Variants in TBC1D5 observed in about 807,000 individuals in gnomAD.
TBC1D5 encodes the protein TBC1 domain family member 5, also known as TBC1 domain family, member 5.
A neutral mutation model predicts 100.3 loss-of-function variants in TBC1D5; 75 were observed. The ratio of observed to expected loss-of-function variants is 0.75; its 90% CI spans 0.62 to 0.91. The LOEUF is 0.91. Among genes scored for constraint, TBC1D5 ranks in the 40% least tolerant of loss-of-function variants. The pLI, the probability that TBC1D5 is intolerant of heterozygous loss-of-function variation, is 0.00. For synonymous variants in TBC1D5, 323 were observed against 325.6 expected, an observed-to-expected ratio of 0.99 and a Z score of 0.09; for missense variants, 910 against 942.4, an observed-to-expected ratio of 0.97 and a Z score of 0.45.
intron 2 of TBC1D5, among the ~76,000 whole-genome samples, chr3:17,605,268 T>A (rs1310978421): frequency 6.6e-6 from 1 of 152,218 alleles, no homozygotes; most frequent in Non-Finnish European, 1.5e-5. Flanking sequence ...ATTAGTCACA[T>A]AGTATTAACT....
At chr3:17,453,426 A>C (rs2094975912) in intron 3 of TBC1D5, among the ~76,000 whole-genome samples, 1 of 152,128 alleles carries the variant, frequency 6.6e-6, no homozygotes, top group Non-Finnish European at 1.5e-5. Flanking sequence ...TAACAAAGAA[A>C]AATAATGGAG....
At chr3:17,363,964 A>AT (rs72273369) in intron 13 of TBC1D5, among the ~76,000 whole-genome samples, 24 of 148,828 alleles carry the variant, frequency 1.6e-4, no homozygotes, top group Admixed American at 2.7e-4. Context: ...TATTGGACTA[A>AT]TTTTTTTTTT....
chr3:17,611,163 T>C (rs2061645543), intron 2 of TBC1D5, among the ~76,000 whole-genome samples: 1 of 152,172 alleles, frequency 6.6e-6, no homozygotes, highest in African/African-American at 2.4e-5. Context: ...CAGTGGGTTA[T>C]ATGATGATAC....
At chr3:17,658,256 C>T (rs1283950151) in intron 1 of TBC1D5, among the ~76,000 whole-genome samples, 1 of 152,208 alleles carries the variant, frequency 6.6e-6, no homozygotes, top group Non-Finnish European at 1.5e-5. Context: ...CCATTAACTC[C>T]ATTCATTCAA....
Position 17,678,350 on chromosome 3 carries a change from C to A in TBC1D5, c.-100-54437G>T, listed in dbSNP as rs1298808555. 2.0e-5 allele frequency among the ~76,000 whole-genome samples: 3 copies of A among 152,022 alleles called. No individual in the cohort carries two copies. The South Asian group carries it at 6.2e-4, about 32-fold the overall frequency. ...TGAGTACACAAAACAACTGGTTCAC[C>A]AAACACAGATTAACCACATGAAATT... On this transcript the variant is annotated intron_variant, in intron 1 of 21. Transcript: ENST00000253692.
intron 1 of TBC1D5, among the ~76,000 whole-genome samples, chr3:17,697,047 T>C (rs184385987): frequency 1.1e-4 from 16 of 152,280 alleles, no homozygotes; most frequent in Admixed American, 1.0e-3. Context: ...TTCGACAAAA[T>C]TCAACAGTAT....
At chr3:17,385,520 T>C (rs1020675992) in intron 8 of TBC1D5, among the ~76,000 whole-genome samples, 3 of 152,132 alleles carry the variant, frequency 2.0e-5, no homozygotes, top group Non-Finnish European at 4.4e-5. Context: ...TGGACAGTTA[T>C]AACTTTCTAG....
intron 18 of TBC1D5, among the ~76,000 whole-genome samples, chr3:17,191,397 T>A (rs1176054230): frequency 6.6e-5 from 10 of 152,180 alleles, no homozygotes; most frequent in Admixed American, 6.5e-4. Flanking sequence ...ACTCAATAAA[T>A]GTGAATTTTA....
chr3:17,277,334 G>T (rs888297369), intron 15 of TBC1D5, among the ~76,000 whole-genome samples: 3 of 151,932 alleles, frequency 2.0e-5, no homozygotes, highest in African/African-American at 4.8e-5. Flanking sequence ...CTTTTGACAG[G>T]TTTCCTCTCA....
chr3:17,492,695 C>G (rs1236982951), intron 3 of TBC1D5, among the ~76,000 whole-genome samples: 1 of 152,186 alleles, frequency 6.6e-6, no homozygotes, highest in African/African-American at 2.4e-5. Context: ...TTTGGCCTCC[C>G]AAAGTACTGG....
At chr3:17,739,678 T>C (rs1429885016) in exon 1 of TBC1D5, 14 of 152,232 alleles carry the variant, frequency 9.2e-5, no homozygotes, top group Non-Finnish European at 1.8e-4. Flanking sequence ...CTGAGGCGGA[T>C]GACAAATTTG....
chr3:17,477,519 C>T (rs1229288148), intron 3 of TBC1D5, among the ~76,000 whole-genome samples: 1 of 151,946 alleles, frequency 6.6e-6, no homozygotes, highest in Non-Finnish European at 1.5e-5. Flanking sequence ...TATTCCATTA[C>T]ATCAATGGTT....
chr3:17,202,670 T>A (rs969169036), intron 18 of TBC1D5, among the ~76,000 whole-genome samples: 3 of 152,230 alleles, frequency 2.0e-5, no homozygotes, highest in African/African-American at 7.2e-5. Flanking sequence ...GCTCCTTGTA[T>A]CCCAGTTGCT....
chr3:17,539,659 C>T (rs924434002), intron 2 of TBC1D5, among the ~76,000 whole-genome samples: 5 of 152,136 alleles, frequency 3.3e-5, no homozygotes, highest in Admixed American at 2.6e-4. Context: ...AATGCCTGAT[C>T]ACCCCCTCCC....
chr3:17,466,486 T>C (rs552370770), intron 3 of TBC1D5, among the ~76,000 whole-genome samples: 1 of 152,324 alleles, frequency 6.6e-6, no homozygotes, highest in Non-Finnish European at 1.5e-5. Context: ...TCTAAAGCAA[T>C]GTTTAGGCAC....
chr3:17,355,689 T>C (rs1016340337), intron 13 of TBC1D5, among the ~76,000 whole-genome samples: 10 of 152,160 alleles, frequency 6.6e-5, no homozygotes, highest in African/African-American at 2.4e-4. Context: ...AAATGAATCA[T>C]TCACATCCCA....
Position 17,371,508 on chromosome 3 carries a change from A to G in TBC1D5, c.995+567T>C, listed in dbSNP as rs150987298. 2.5e-3 allele frequency among the ~76,000 whole-genome samples: 386 copies of G among 152,020 alleles called. 1 individual carries two copies. The highest frequency in any genetic ancestry group is 4.0e-3 in the Non-Finnish European group (269 of 68,010). On this transcript the variant is annotated intron_variant, in intron 13 of 21. Transcript: ENST00000253692. ...ATGATTTCACTGTGAAATATGTGTA[A>G]ACTAAACCTGAGCCTTAACTTCTTC...
At chr3:17,602,631 G>GGC (rs2061044896) in intron 2 of TBC1D5, among the ~76,000 whole-genome samples, 1 of 133,244 alleles carries the variant, frequency 7.5e-6, no homozygotes, top group African/African-American at 2.8e-5. Flanking sequence ...GGAGTGCAGT[G>GGC]GCGCAATCTC....
chr3:17,699,553 T>TAAATAAGG lies in TBC1D5; in HGVS notation c.-101+39789_-101+39790insCCTTATTT, dbSNP rs200900101. Among the ~76,000 whole-genome samples, 182 of 141,564 alleles carry TAAATAAGG rather than the reference T, an allele frequency of 1.3e-3. 4 individuals carry two copies. The East Asian group carries it at 0.018, about 14-fold the overall frequency. 92.9% of individuals were successfully genotyped at this position (141,564 alleles called of 152,430 possible). ...AAACTTAAAGTATAATAATAATAAA[T>TAAATAAGG]AGATTTTTAAAATTACCATAATAAT... On this transcript the variant is annotated intron_variant, in intron 1 of 21. Coordinates refer to ENST00000253692, the Ensembl canonical transcript of TBC1D5.
Sources: allele counts gnomAD v4.1 joint callset (sites outside exome capture counted in the v4.1 genomes callset), GRCh38; gene constraint gnomAD v4.1.1; transcripts MANE v1.5; gene names NCBI Gene and HGNC (gene_info 2026-07-23, HGNC 2026-07-21).